Variants in ZNF362 observed in about 807,000 individuals in gnomAD.
ZNF362 encodes the protein zinc finger protein 362, also known as rotund homolog.
ZNF362 carries 11 observed loss-of-function variants against 42.9 expected under a neutral mutation model. The observed-to-expected ratio is 0.26, with a 90% CI of 0.16 to 0.42. The LOEUF is 0.42. ZNF362 is among the 20% of genes least tolerant of loss of function. The pLI is 1.00. For synonymous variants in ZNF362, 255 were observed against 257.3 expected (o/e 0.99, Z 0.09); for missense variants, 362 against 576.2 (o/e 0.63, Z 3.81).
At chr1:33,171,034 C>G in the ZNF362 span, among the ~76,000 whole-genome samples, 1 of 152,196 alleles carries the variant, frequency 6.6e-6, no homozygotes, top group Non-Finnish European at 1.5e-5. Context: ...CTTCCCTTCT[C>G]AGATGGCCAG....
the ZNF362 span, among the ~76,000 whole-genome samples, chr1:33,238,964 C>T: frequency 1.3e-5 from 2 of 152,110 alleles, no homozygotes; most frequent in African/African-American, 2.4e-5. Flanking sequence ...GTTGTTTAAT[C>T]CATCCAGCTT....
the ZNF362 span, among the ~76,000 whole-genome samples, chr1:33,216,048 TTAACTC>T: frequency 1.3e-5 from 2 of 149,330 alleles, no homozygotes; most frequent in Non-Finnish European, 3.0e-5. Context: ...CCATAATACT[TTAACTC>T]TAAGACCAGT....
chr1:33,263,556 G>A (rs1268987583), intron 1 of ZNF362, among the ~76,000 whole-genome samples: 3 of 152,044 alleles, frequency 2.0e-5, no homozygotes, highest in Non-Finnish European at 4.4e-5. Flanking sequence ...GATTACAGGC[G>A]TGTGCCACCA....
chr1:33,157,691 G>T, the ZNF362 span, among the ~76,000 whole-genome samples: 6 of 151,786 alleles, frequency 4.0e-5, no homozygotes, highest in Admixed American at 3.3e-4. Flanking sequence ...TCTATGAAGT[G>T]TCCAGGCCTC....
chr1:33,169,445 C>A, the ZNF362 span, among the ~76,000 whole-genome samples: 11 of 152,220 alleles, frequency 7.2e-5, no homozygotes, highest in African/African-American at 2.7e-4. Flanking sequence ...AGGCTCCTCC[C>A]TGCCTCTAGC....
At chr1:33,256,252 C>T (rs1645788805), upstream of ZNF362, among the ~76,000 whole-genome samples, 2 of 142,220 alleles carry the variant, frequency 1.4e-5, no homozygotes, top group Admixed American at 6.9e-5. Context: ...GCGCGGCCCG[C>T]CCCCGCCCCC....
chr1:33,189,671 A>ATATG, the ZNF362 span, among the ~76,000 whole-genome samples: 41 of 105,044 alleles, frequency 3.9e-4, 1 homozygote, highest in African/African-American at 1.4e-3. Flanking sequence ...ATATATATAT[A>ATATG]TGTATATATA....
chr1:33,226,529 G>C, the ZNF362 span, among the ~76,000 whole-genome samples: 3 of 152,186 alleles, frequency 2.0e-5, no homozygotes, highest in Non-Finnish European at 4.4e-5. Flanking sequence ...AAAGTAACGA[G>C]GTGCTGATTC....
At chr1:33,152,107 G>T in the ZNF362 span, among the ~76,000 whole-genome samples, 2 of 152,224 alleles carry the variant, frequency 1.3e-5, no homozygotes, top group African/African-American at 4.8e-5. Flanking sequence ...GGCACAAATT[G>T]TTCTAGCCAT....
the ZNF362 span, among the ~76,000 whole-genome samples, chr1:33,250,848 A>AGAAG: frequency 1.6e-5 from 2 of 128,560 alleles, no homozygotes; most frequent in African/African-American, 5.9e-5. Flanking sequence ...GAAAGAAGAA[A>AGAAG]GAAGGAAGAA....
the ZNF362 span, among the ~76,000 whole-genome samples, chr1:33,193,004 C>CACACACATATATATATATATAT: frequency 1.5e-5 from 2 of 137,200 alleles, no homozygotes; most frequent in Non-Finnish European, 3.2e-5. Flanking sequence ...CACACACACA[C>CACACACATATATATATATATAT]ATATATATAT....
At chr1:33,139,826 G>T in the ZNF362 span, among the ~76,000 whole-genome samples, 4 of 152,110 alleles carry the variant, frequency 2.6e-5, no homozygotes, top group African/African-American at 9.7e-5. Context: ...GCCACCAGCA[G>T]CTGCTGTAGA....
the ZNF362 span, among the ~76,000 whole-genome samples, chr1:33,249,512 TCA>T: frequency 6.6e-6 from 1 of 152,124 alleles, no homozygotes; most frequent in Admixed American, 6.5e-5. Flanking sequence ...CAAATGATAC[TCA>T]GAGTCTCCCC....
At chr1:33,265,922 G>A (rs747833093) in intron 1 of ZNF362, among the ~76,000 whole-genome samples, 1 of 152,128 alleles carries the variant, frequency 6.6e-6, no homozygotes, top group Admixed American at 6.5e-5. Context: ...CCTGACCCAC[G>A]TGATGCTGTG....
chr1:33,201,723 AAATT>A, the ZNF362 span, among the ~76,000 whole-genome samples: 1 of 152,184 alleles, frequency 6.6e-6, no homozygotes, highest in African/African-American at 2.4e-5. Flanking sequence ...CAAAAAGAGA[AAATT>A]AAATGTAAAG....
the ZNF362 span, among the ~76,000 whole-genome samples, chr1:33,170,881 T>C: frequency 2.0e-5 from 3 of 152,054 alleles, no homozygotes; most frequent in South Asian, 6.2e-4. Context: ...AGTGAGACAA[T>C]GGTAAGAAGT....
At chr1:33,146,868 G>A in the ZNF362 span, 1 of 393,478 alleles carries the variant, frequency 2.5e-6, no homozygotes, top group Non-Finnish European at 4.7e-6. Flanking sequence ...ACACTGGAAG[G>A]TAGTCCCCTG....
the ZNF362 span, among the ~76,000 whole-genome samples, chr1:33,216,033 C>T: frequency 1.3e-5 from 2 of 150,022 alleles, no homozygotes; most frequent in South Asian, 2.1e-4. Context: ...TAAAAACAAA[C>T]GTTTCCATAA....
chr1:33,147,669 G>T, the ZNF362 span: 1 of 1,613,860 alleles, frequency 6.2e-7, no homozygotes, highest in East Asian at 2.2e-5. This position sits in a 1 kb window ranked among gnomAD's most constrained non-coding sequence, Gnocchi z 8.1. Context: ...TGGTGCAGTC[G>T]TCCGACAGGA....
Sources: allele counts gnomAD v4.1 joint callset (sites outside exome capture counted in the v4.1 genomes callset), GRCh38; gene constraint gnomAD v4.1.1; non-coding constraint Gnocchi (gnomAD v3.1); transcripts MANE v1.5; gene names NCBI Gene and HGNC (gene_info 2026-07-23, HGNC 2026-07-21).